RGPD2: variants seen among roughly 807,000 people sequenced by gnomAD.
RGPD2 encodes the protein RANBP2 like and GRIP domain containing 2.
Under a neutral mutation model 36.0 loss-of-function variants are expected in RGPD2, and 2 were observed. That is an observed-to-expected ratio of 0.06 (90% confidence interval 0.02 to 0.17). RGPD2 has a LOEUF of 0.17. Ranked by LOEUF, RGPD2 falls within the 10% of genes least tolerant of loss-of-function variation. The pLI is 1.00. For synonymous variants in RGPD2, 19 were observed against 163.8 expected (o/e 0.12, Z 6.75); for missense variants, 40 against 464.3 (o/e 0.09, Z 8.40).
At chr2:87,825,448 C>CAGGCCA (rs1686697866) in intron 1 of RGPD2, among the ~76,000 whole-genome samples, 1 of 109,188 alleles carries the variant, frequency 9.2e-6, no homozygotes, top group Non-Finnish European at 2.1e-5. Flanking sequence ...GCCGCCCGGC[C>CAGGCCA]AGGCCGAGGC....
At chr2:87,763,361 G>C (rs1432477252) in intron 22 of RGPD2, among the ~76,000 whole-genome samples, 1 of 149,306 alleles carries the variant, frequency 6.7e-6, no homozygotes, top group African/African-American at 2.5e-5. Context: ...GTTTCACCGT[G>C]TTAGCCAGGA....
chr2:87,866,141 AC>A, the RGPD2 span, among the ~76,000 whole-genome samples: 1 of 137,622 alleles, frequency 7.3e-6, no homozygotes, highest in Non-Finnish European at 1.6e-5. Context: ...TACTCGTATT[AC>A]ATAATAAATT....
the RGPD2 span, among the ~76,000 whole-genome samples, chr2:87,984,820 C>T: frequency 6.6e-6 from 1 of 151,430 alleles, no homozygotes; most frequent in Non-Finnish European, 1.5e-5. Context: ...GTCCCAGCTA[C>T]TCGGGAGGCT....
chr2:87,937,637 G>A, the RGPD2 span, among the ~76,000 whole-genome samples: 1 of 151,848 alleles, frequency 6.6e-6, no homozygotes. Context: ...CATTTGCCAG[G>A]GATCTTCCCC....
At chr2:87,904,918 G>A in the RGPD2 span, among the ~76,000 whole-genome samples, 9 of 148,752 alleles carry the variant, frequency 6.1e-5, no homozygotes, top group African/African-American at 9.9e-5. Context: ...ACTCTGGAGC[G>A]ACAAGGTGCC....
chr2:87,840,156 A>G, the RGPD2 span, among the ~76,000 whole-genome samples: 3 of 133,254 alleles, frequency 2.3e-5, no homozygotes, highest in Non-Finnish European at 3.2e-5. Context: ...GTAAATTCTA[A>G]TCCAGTGACT....
At chr2:87,958,297 A>G in the RGPD2 span, among the ~76,000 whole-genome samples, 1 of 152,310 alleles carries the variant, frequency 6.6e-6, no homozygotes, top group African/African-American at 2.4e-5. Flanking sequence ...AGCATAAACC[A>G]GTAATTACTA....
chr2:87,825,255 A>G (rs1686656784), intron 1 of RGPD2: 4 of 392,876 alleles, frequency 1.0e-5, no homozygotes, highest in South Asian at 2.6e-4. Context: ...GACTAATCCA[A>G]CTAACCTCAA....
At chr2:87,760,638 G>C (rs1296025257) in intron 22 of RGPD2, among the ~76,000 whole-genome samples, 1 of 7,320 alleles carries the variant, frequency 1.4e-4, no homozygotes, top group African/African-American at 4.0e-4. Flanking sequence ...TTTTTTTTGA[G>C]ACAGAGTCTT....
At chr2:87,955,252 G>A in the RGPD2 span, among the ~76,000 whole-genome samples, 47 of 148,122 alleles carry the variant, frequency 3.2e-4, 1 homozygote, top group African/African-American at 1.1e-3. Context: ...CTGACCTCGT[G>A]ATCCACCCCC....
In RGPD2 at chr2:87,824,848, C is replaced by CAGGCCG. The variant is rs1304097752; in HGVS notation, c.72+804_72+809dup. ...GAGGCCGCCGCCGCCGCCGCCCGGC[C>CAGGCCG]AGGCCGAGGCCGAGGCCGCCGCCGC... On this transcript the variant is annotated intron_variant, in intron 1 of 22. Coordinates refer to ENST00000398146, the MANE Select transcript of RGPD2 (RefSeq NM_001078170.3). 6.4e-4 allele frequency: 65 copies of CAGGCCG among 101,830 alleles called. 2 individuals are homozygous for CAGGCCG. The highest frequency in any genetic ancestry group is 1.2e-3 in the African/African-American group (32 of 26,540). The allele number at this position is 101,830 out of a possible 1,614,324, so 6.3% of individuals were successfully genotyped here.
At chr2:87,825,555 CAGG>C (rs1686748036) in intron 1 of RGPD2, 100 bp downstream of exon 1, 2 of 872,674 alleles carry the variant, frequency 2.3e-6, no homozygotes, top group Admixed American at 1.2e-4. Context: ...GCCGCCCGGC[CAGG>C]TCGAGGCCGC....
chr2:87,830,864 T>C, the RGPD2 span, among the ~76,000 whole-genome samples: 3 of 152,254 alleles, frequency 2.0e-5, no homozygotes, highest in East Asian at 5.8e-4. Context: ...TACTTCCTGC[T>C]TGGTGTCTCC....
At chr2:87,873,023 G>A in the RGPD2 span, among the ~76,000 whole-genome samples, 2 of 152,284 alleles carry the variant, frequency 1.3e-5, no homozygotes, top group Non-Finnish European at 2.9e-5. Context: ...TTCCCAAAGT[G>A]CTAGGATTAC....
At chr2:87,915,578 G>GTA in the RGPD2 span, among the ~76,000 whole-genome samples, 9 of 142,248 alleles carry the variant, frequency 6.3e-5, no homozygotes, top group East Asian at 1.0e-3. Context: ...ACATATATGT[G>GTA]TGTGTATATA....
At chr2:87,948,327 C>T in the RGPD2 span, among the ~76,000 whole-genome samples, 1 of 151,310 alleles carries the variant, frequency 6.6e-6, no homozygotes, top group African/African-American at 2.4e-5. Context: ...TTTTAAAATA[C>T]TGGCCATCAT....
chr2:87,914,977 G>A, the RGPD2 span, among the ~76,000 whole-genome samples: 5 of 152,004 alleles, frequency 3.3e-5, no homozygotes, highest in Non-Finnish European at 7.4e-5. Context: ...GGGAAACCCT[G>A]TCTCTACTAA....
At chr2:87,857,774 T>TAAAA in the RGPD2 span, among the ~76,000 whole-genome samples, 1 of 123,490 alleles carries the variant, frequency 8.1e-6, no homozygotes, top group African/African-American at 3.8e-5. Context: ...CCATCTCTAC[T>TAAAA]AAAAAAAAAA....
the RGPD2 span, among the ~76,000 whole-genome samples, chr2:87,982,350 G>A: frequency 1.1e-5 from 1 of 90,286 alleles, no homozygotes; most frequent in Non-Finnish European, 2.4e-5. Flanking sequence ...CCACAGCAGG[G>A]ATTCAATATT....
Sources: allele counts gnomAD v4.1 joint callset (sites outside exome capture counted in the v4.1 genomes callset), GRCh38; gene constraint gnomAD v4.1.1; transcripts MANE v1.5; gene names NCBI Gene and HGNC (gene_info 2026-07-23, HGNC 2026-07-21).